WDR31: variants seen among roughly 807,000 people sequenced by gnomAD.
The protein encoded by WDR31 is WD repeat domain 31.
WDR31 carries 30 observed loss-of-function variants against 47.3 expected under a neutral mutation model. The observed-to-expected ratio is 0.63, with a 90% CI of 0.47 to 0.86. The LOEUF (loss-of-function observed/expected upper bound fraction) is 0.86. Ranked by LOEUF, WDR31 falls within the 40% of genes least tolerant of loss-of-function variation. WDR31 has a pLI of 0.00. For synonymous variants in WDR31, 137 were observed against 159.4 expected (o/e 0.86, Z 1.06); for missense variants, 406 against 442.9 (o/e 0.92, Z 0.75).
intron 5 of WDR31, among the ~76,000 whole-genome samples, chr9:113,326,461 TCCTC>T (rs1431072391): frequency 3.3e-5 from 5 of 151,426 alleles, no homozygotes; most frequent in Non-Finnish European, 5.9e-5. Context: ...TCTCTCTCTT[TCCTC>T]CCTCCTTCTT....
At chr9:113,330,302 T>C (rs1002857394) in intron 4 of WDR31, among the ~76,000 whole-genome samples, 8 of 152,254 alleles carry the variant, frequency 5.3e-5, no homozygotes, top group Admixed American at 1.3e-4. Context: ...GGCTTCGCCA[T>C]GTTGTCCAGG....
In WDR31 at chr9:113,315,351, A is replaced by C. The variant is rs1254936233; in HGVS notation, c.*1398T>G. ...GGAAGAAGGAAGGTGGCTGTCAGTC[A>C]CTGGTATCAGAGACAAGCAGAGGAC... On this transcript the variant is annotated 3_prime_UTR_variant, in exon 11 of 11. Coordinates refer to ENST00000374193, the MANE Select transcript of WDR31 (RefSeq NM_001012361.4). 6.6e-6 allele frequency: 1 copy of C among 152,102 alleles called. No homozygotes were observed. The highest frequency in any genetic ancestry group is 2.4e-5 in the African/African-American group (1 of 41,398). 9.4% of individuals were successfully genotyped at this position (152,102 alleles called of 1,614,324 possible). A position where few individuals can be genotyped will look rare whatever the true frequency, so the allele number is the denominator to read the frequency against.
rs1833262232 is a variant in WDR31 at position 113,318,620 on chromosome 9, C to T, written c.798G>A (p.Gln266=). 1.2e-6 allele frequency: 2 copies of T among 1,614,014 alleles called. No homozygotes were observed. Among genetic ancestry groups the T allele is most frequent in the African/African-American group, 2.7e-5 (2 of 74,922 alleles). ...GCEATLWDLR[Q]TRNRICEYKG... ...TATACTCACATATTCTGTTTCGAGT[C>T]TGTCTTAGGTCCCACAACTGCAAAG... The change falls in exon 10 of 11, where the codon CAG becomes CAA. Residue 266 remains glutamine (Q), a synonymous_variant. Transcript: ENST00000374193.
intron 5 of WDR31, among the ~76,000 whole-genome samples, chr9:113,326,114 T>C (rs1833459907): frequency 6.6e-6 from 1 of 152,230 alleles, no homozygotes; most frequent in Non-Finnish European, 1.5e-5. Flanking sequence ...TTTCTCCATG[T>C]TGGTCAGGCT....
chr9:113,325,945 CTT>C (rs1456991656), intron 5 of WDR31, among the ~76,000 whole-genome samples: 1 of 152,094 alleles, frequency 6.6e-6, no homozygotes, highest in East Asian at 1.9e-4. Flanking sequence ...GAGTTTCCCT[CTT>C]GTTGCCCAGG....
chr9:113,329,737 G>A (rs1175954011), intron 4 of WDR31, among the ~76,000 whole-genome samples: 1 of 151,864 alleles, frequency 6.6e-6, no homozygotes, highest in Non-Finnish European at 1.5e-5. Context: ...ACTTTGGGAG[G>A]CTGAGGCGGG....
At chr9:113,334,145 A>C (rs557028471) in intron 2 of WDR31, among the ~76,000 whole-genome samples, 1 of 152,132 alleles carries the variant, frequency 6.6e-6, no homozygotes, top group East Asian at 1.9e-4. Flanking sequence ...CTGGGACTAC[A>C]GGCTTGCACC....
intron 4 of WDR31, 63 bp downstream of exon 4, chr9:113,330,921 T>G: frequency 1.3e-6 from 2 of 1,521,466 alleles, no homozygotes; most frequent in East Asian, 4.6e-5. Context: ...CTAGACTTCC[T>G]TTCAAAATAT....
At chr9:113,334,151 G>A (rs1833664826) in intron 2 of WDR31, among the ~76,000 whole-genome samples, 2 of 152,024 alleles carry the variant, frequency 1.3e-5, no homozygotes, top group Admixed American at 6.6e-5. Flanking sequence ...CTACAGGCTT[G>A]CACCATCATG....
rs1833121629 is a variant in WDR31 at position 113,313,537 on chromosome 9, AT to A, written c.*3211del. The A allele has an allele frequency of 6.6e-6, 1 of 152,240 alleles. No individual in the cohort carries two copies. Among genetic ancestry groups the A allele is most frequent in the African/African-American group, 2.4e-5 (1 of 41,460 alleles). The allele number at this position is 152,240 out of a possible 1,614,324, so 9.4% of individuals were successfully genotyped here. ...TGGTCTTGAAGATACAAACAATGTC[AT>A]GGTCTATGACTTTGTGACACGATGC... is the stretch of plus-strand genomic sequence containing the variant. On this transcript the variant is annotated 3_prime_UTR_variant, in exon 11 of 11. Coordinates refer to ENST00000374193, the MANE Select transcript of WDR31 (RefSeq NM_001012361.4).
intron 5 of WDR31, 110 bp downstream of exon 5, chr9:113,328,771 C>T (rs1564307867): frequency 1.1e-6 from 1 of 928,586 alleles, no homozygotes; most frequent in East Asian, 2.5e-5. Flanking sequence ...TCAAACAAAC[C>T]TTTGCATTTT....
chr9:113,317,000 T>A, intron 10 of WDR31, 91 bp from the exon 11 acceptor site: 1 of 1,449,898 alleles, frequency 6.9e-7, no homozygotes, highest in Non-Finnish European at 9.3e-7. Context: ...AAATAAAGCA[T>A]TTGCTGTACA....
At chr9:113,322,935 C>T (rs764530336) in intron 6 of WDR31, 24 bp from the exon 7 acceptor site, 42 of 1,613,908 alleles carry the variant, frequency 2.6e-5, no homozygotes, top group Non-Finnish European at 3.4e-5. Flanking sequence ...GGTGAGAAGA[C>T]AGCCTGTGAG....
rs117345335 is a variant in WDR31, at chr9:113,328,038, C to T, written c.324+843G>A. 9.1e-3 allele frequency among the ~76,000 whole-genome samples: 1,389 copies of T among 152,282 alleles called. 7 individuals carry two copies. Among genetic ancestry groups the T allele is most frequent in the Middle Eastern group, 0.017 (5 of 294 alleles). On this transcript the variant is annotated intron_variant, in intron 5 of 10. Coordinates refer to ENST00000374193, the MANE Select transcript of WDR31 (RefSeq NM_001012361.4). The stretch of plus-strand genomic sequence containing the variant: ...GAGCCACCATGCCTGGCCAGTCCTT[C>T]GGCATTTTAGGGTGACCAGAAGAAG...
rs749941181 is a variant in WDR31 at position 113,322,793 on chromosome 9, C to A, written c.570+18G>T. Reference sequence around the variant, plus strand: ...CTCCTTTCTGCTGCCCTGTTCTGTACCAAGTTTGAGTTCATACCACGTTCC... The same window carrying A: ...CTCCTTTCTGCTGCCCTGTTCTGTAACAAGTTTGAGTTCATACCACGTTCC... On this transcript the variant is annotated intron_variant, in intron 7 of 10. Coordinates refer to ENST00000374193, the MANE Select transcript of WDR31 (RefSeq NM_001012361.4). 82 of 1,613,020 alleles carry A rather than the reference C, an allele frequency of 5.1e-5. No individual in the cohort carries two copies. The highest frequency in any genetic ancestry group is 6.9e-5 in the Non-Finnish European group (81 of 1,179,416).
chr9:113,331,099 A>G lies in WDR31; in HGVS notation c.134T>C (p.Ile45Thr), dbSNP rs1486882871. 4 of 1,556,388 alleles carry G rather than the reference A, an allele frequency of 2.6e-6. No homozygotes were observed. The African/African-American group carries it at 4.1e-5, about 16-fold the overall frequency. The part of the protein sequence containing the change: ...TYKYGRPDEI[I>T]EERIQTKAFQ... ...AGCTTTAGTTTGAATTCTCTCTTCT[A>G]TAATTTCATCAGGCCTGCTAAAAAG... is the stretch of plus-strand genomic sequence containing the variant. The change falls in exon 4 of 11, where the codon ATA (isoleucine) becomes ACA (threonine). Residue 45 changes from isoleucine to threonine, a missense_variant. Transcript: ENST00000374193.
chr9:113,329,090 G>A (rs1244328499), intron 4 of WDR31, 135 bp from the exon 5 acceptor site: 3 of 782,402 alleles, frequency 3.8e-6, no homozygotes, highest in Admixed American at 2.3e-5. Context: ...AAGCATTCGG[G>A]GTTCCCTGTT....
rs1833610478 is a variant in WDR31, at chr9:113,332,050, C to T, written c.-28G>A. 6.3e-7 allele frequency: 1 copy of T among 1,590,972 alleles called. No individual in the cohort carries two copies. Among genetic ancestry groups the T allele is most frequent in the Non-Finnish European group, 8.6e-7 (1 of 1,159,756 alleles). On this transcript the variant is annotated splice_region_variant and 5_prime_UTR_variant, in exon 3 of 11. Coordinates refer to ENST00000374193, the MANE Select transcript of WDR31 (RefSeq NM_001012361.4). Reference sequence around the variant, plus strand: ...CTTGTGGCTGCTGGAAGTTGTGTTCCCTGTTTAATAAAAAGAAGAATACAT... The same window carrying T: ...CTTGTGGCTGCTGGAAGTTGTGTTCTCTGTTTAATAAAAAGAAGAATACAT...
Position 113,320,463 on chromosome 9 carries a change from A to T in WDR31, c.674T>A (p.Met225Lys). The T allele has an allele frequency of 6.2e-7, 1 of 1,614,240 alleles. No individual in the cohort carries two copies. The highest frequency in any genetic ancestry group is 8.5e-7 in the Non-Finnish European group (1 of 1,180,026). The change falls in exon 9 of 11, where the codon ATG (methionine) becomes AAG (lysine). Residue 225 changes from methionine (M) to lysine (K), a missense_variant. Physicochemically the swap from Met to Lys is moderately conservative, Grantham distance 95. Coordinates refer to ENST00000374193, the MANE Select transcript of WDR31 (RefSeq NM_001012361.4). ...CTGAATGTGCTGCTTTGCAGGAAAC[A>T]TATGAGCTACCTGCAGCCCCCGACT... ...WDSRGLQVAH[M>K]FPAKQHIQTY...
Sources: allele counts gnomAD v4.1 joint callset (sites outside exome capture counted in the v4.1 genomes callset), GRCh38; gene constraint gnomAD v4.1.1; transcripts MANE v1.5; gene names NCBI Gene and HGNC (gene_info 2026-07-23, HGNC 2026-07-21).